Variants in RAB27B observed in about 807,000 individuals in gnomAD.
The protein encoded by RAB27B is RAB27B, member RAS oncogene family.
In RAB27B, 15 loss-of-function variants were observed where a neutral mutation model predicts 24.6. That is an observed-to-expected ratio of 0.61 (90% CI 0.41 to 0.94). RAB27B has a LOEUF of 0.94. Ranked by LOEUF, RAB27B falls within the 40% of genes least tolerant of loss-of-function variation. The pLI is 0.00. For missense variants in RAB27B, 261 were observed against 266.8 expected (o/e 0.98, Z 0.15); for synonymous variants, 105 against 92.5 (o/e 1.14, Z -0.78).
chr18:54,762,823 C>T (rs780530391), intron 2 of RAB27B, among the ~76,000 whole-genome samples: 1 of 152,140 alleles, frequency 6.6e-6, no homozygotes, highest in Non-Finnish European at 1.5e-5. Context: ...CCTCCATTCG[C>T]ATATTACAGC....
intron 3 of RAB27B, chr18:54,880,638 G>C (rs924571722): frequency 3.3e-5 from 5 of 152,050 alleles, no homozygotes; most frequent in Non-Finnish European, 7.4e-5. Context: ...TTCCTCACAA[G>C]AATCTCTGTT....
At chr18:54,812,550 A>AACACACACACACACAC (rs10595171) in intron 2 of RAB27B, among the ~76,000 whole-genome samples, 41 of 139,202 alleles carry the variant, frequency 2.9e-4, no homozygotes, top group Non-Finnish European at 5.1e-4. Flanking sequence ...GAACTCCTTT[A>AACACACACACACACAC]ACACACACAC....
chr18:54,784,221 A>G (rs1049480355), intron 2 of RAB27B, among the ~76,000 whole-genome samples: 1 of 152,240 alleles, frequency 6.6e-6, no homozygotes, highest in African/African-American at 2.4e-5. Flanking sequence ...TGAACCAAGG[A>G]ATCAAATAAT....
In RAB27B at chr18:54,888,201, A is replaced by T. The variant is rs1913224778; in HGVS notation, c.467+83A>T. 16 of 1,484,774 alleles carry T rather than the reference A, an allele frequency of 1.1e-5. No homozygotes were observed. The South Asian group carries it at 2.0e-4, about 19-fold the overall frequency. The allele number at this position is 1,484,774 out of a possible 1,614,324, so 92.0% of individuals were successfully genotyped here. On this transcript the variant is annotated intron_variant, in intron 5 of 5. Coordinates refer to ENST00000262094, the MANE Select transcript of RAB27B (RefSeq NM_004163.4). ...GCAGAGACATTAGATTGATATTAGA[A>T]GAAATCCCCTTAACCAAGAACAGCA...
At chr18:54,778,518 G>T (rs76424479) in intron 2 of RAB27B, among the ~76,000 whole-genome samples, 2 of 152,086 alleles carry the variant, frequency 1.3e-5, no homozygotes, top group Non-Finnish European at 2.9e-5. Flanking sequence ...GAATCTCTTC[G>T]CTGAGCCCAT....
intron 2 of RAB27B, among the ~76,000 whole-genome samples, chr18:54,814,635 T>C (rs1910067026): frequency 6.6e-6 from 1 of 152,188 alleles, no homozygotes; most frequent in African/African-American, 2.4e-5. Context: ...CTTCTGTAGA[T>C]GATAAAAAGG....
chr18:54,808,237 G>A (rs1041988110), intron 2 of RAB27B, among the ~76,000 whole-genome samples: 6 of 152,034 alleles, frequency 3.9e-5, no homozygotes, highest in Non-Finnish European at 8.8e-5. Context: ...TCTTACTCAG[G>A]CTTGGTACAG....
intron 2 of RAB27B, among the ~76,000 whole-genome samples, chr18:54,792,470 A>G (rs540735452): frequency 2.0e-5 from 3 of 152,310 alleles, no homozygotes; most frequent in Admixed American, 6.5e-5. Context: ...ATAAATAACA[A>G]TCTAAACCCC....
intron 2 of RAB27B, among the ~76,000 whole-genome samples, chr18:54,791,796 A>G (rs1714783094): frequency 6.6e-6 from 1 of 152,196 alleles, no homozygotes; most frequent in South Asian, 2.1e-4. Flanking sequence ...GGACAGAGAG[A>G]GGACATCTAG....
In RAB27B at chr18:54,891,519, G is replaced by A. The variant is rs1422815535; in HGVS notation, c.*2106G>A. 2.6e-5 allele frequency: 4 copies of A among 152,078 alleles called. No homozygotes were observed. Among genetic ancestry groups the A allele is most frequent in the Admixed American group, 2.6e-4 (4 of 15,236 alleles). The allele number at this position is 152,078 out of a possible 1,614,324, so 9.4% of individuals were successfully genotyped here. On this transcript the variant is annotated 3_prime_UTR_variant, in exon 6 of 6. Transcript: ENST00000262094. ...AGCAGGAACAAGTTATATTGCCACT[G>A]CTGTGGCAAATTTTGGTGAACTTTT...
intron 2 of RAB27B, among the ~76,000 whole-genome samples, chr18:54,802,924 C>T (rs767961264): frequency 1.3e-5 from 2 of 152,170 alleles, no homozygotes; most frequent in African/African-American, 2.4e-5. Context: ...GCAGTTTTAC[C>T]AACTCCCCAT....
At chr18:54,878,523 G>A (rs1265049955) in intron 2 of RAB27B, among the ~76,000 whole-genome samples, 2 of 152,094 alleles carry the variant, frequency 1.3e-5, no homozygotes, top group East Asian at 1.9e-4. Flanking sequence ...GTTGAATCAC[G>A]GTTTTTTTAT....
chr18:54,733,831 T>C (rs925524990), intron 2 of RAB27B, among the ~76,000 whole-genome samples: 4 of 151,980 alleles, frequency 2.6e-5, no homozygotes, highest in Non-Finnish European at 5.9e-5. Flanking sequence ...CAAGTGTAGA[T>C]TTGGTTGCTA....
In RAB27B at chr18:54,879,389, G is replaced by A. The variant is rs768221483; in HGVS notation, c.174G>A (p.Pro58=). The change falls in exon 3 of 6, where the codon CCG becomes CCA. Residue 58 remains proline, a synonymous_variant. Coordinates refer to ENST00000262094, the MANE Select transcript of RAB27B (RefSeq NM_004163.4). ...EKRVVYNAQG[P]NGSSGKAFKV... is the part of the protein sequence containing the mutation. Reference sequence around the variant, plus strand: ...TTCAGGTTTATAATGCACAAGGACCGAATGGATCTTCAGGGAAAGCATTTA... The same window carrying A: ...TTCAGGTTTATAATGCACAAGGACCAAATGGATCTTCAGGGAAAGCATTTA... The A allele has an allele frequency of 5.5e-5, 88 of 1,612,396 alleles. No individual in the cohort carries two copies. The highest frequency in any genetic ancestry group is 6.4e-5 in the Non-Finnish European group (75 of 1,178,726).
intron 3 of RAB27B, 69 bp downstream of exon 3, chr18:54,879,523 A>AGATATGCGGCATTAT: frequency 7.9e-7 from 1 of 1,260,826 alleles, no homozygotes; most frequent in Non-Finnish European, 1.2e-6. Context: ...TGAATTCTGT[A>AGATATGCGGCATTAT]TGTGAACTTG....
At chr18:54,765,759 C>T (rs570757149) in intron 2 of RAB27B, among the ~76,000 whole-genome samples, 1 of 152,236 alleles carries the variant, frequency 6.6e-6, no homozygotes, top group African/African-American at 2.4e-5. Context: ...AATTAGCTGC[C>T]TACAGGAAAC....
intron 1 of RAB27B, among the ~76,000 whole-genome samples, chr18:54,843,867 A>G (rs371915296): frequency 1.8e-4 from 28 of 152,204 alleles, no homozygotes; most frequent in East Asian, 5.8e-4. Context: ...AAAATCATGA[A>G]TATTTGGGCA....
intron 2 of RAB27B, among the ~76,000 whole-genome samples, chr18:54,802,537 C>T (rs1218259358): frequency 6.6e-6 from 1 of 152,156 alleles, no homozygotes; most frequent in African/African-American, 2.4e-5. Context: ...TCTCTCAGGC[C>T]AAATCATCTC....
chr18:54,873,042 G>A (rs1013839589), intron 1 of RAB27B, among the ~76,000 whole-genome samples: 2 of 152,128 alleles, frequency 1.3e-5, no homozygotes, highest in Admixed American at 1.3e-4. Context: ...TGGAAATTCT[G>A]TTTCTGCATA....
Sources: allele counts gnomAD v4.1 joint callset (sites outside exome capture counted in the v4.1 genomes callset), GRCh38; gene constraint gnomAD v4.1.1; transcripts MANE v1.5; gene names NCBI Gene and HGNC (gene_info 2026-07-23, HGNC 2026-07-21).